COL14A1: variants seen among roughly 807,000 people sequenced by gnomAD.
COL14A1 encodes the protein collagen alpha-1(XIV) chain.
Under a neutral mutation model 230.3 loss-of-function variants are expected in COL14A1, and 136 were observed. That is an observed-to-expected ratio of 0.59 (90% confidence interval 0.51 to 0.68). COL14A1 has a LOEUF of 0.68. Ranked by LOEUF, COL14A1 falls within the 30% of genes least tolerant of loss-of-function variation. The pLI is 0.00. For synonymous variants in COL14A1, 792 were observed against 784.1 expected (o/e 1.01, Z -0.17); for missense variants, 1,976 against 2,215.8 (o/e 0.89, Z 2.17).
intron 5 of COL14A1, among the ~76,000 whole-genome samples, chr8:120,187,811 A>G (rs1485167709): frequency 6.6e-6 from 1 of 152,220 alleles, no homozygotes; most frequent in Admixed American, 6.5e-5. Flanking sequence ...TTTATGTAAC[A>G]AGCTTTTCCC....
At chr8:120,237,604 T>C (rs546923689) in intron 19 of COL14A1, among the ~76,000 whole-genome samples, 1 of 152,362 alleles carries the variant, frequency 6.6e-6, no homozygotes, top group Non-Finnish European at 1.5e-5. Context: ...TTCTGGAGCC[T>C]ACTTCTGTCA....
At chr8:120,368,133 G>T (rs1221374616) in intron 46 of COL14A1, among the ~76,000 whole-genome samples, 1 of 152,104 alleles carries the variant, frequency 6.6e-6, no homozygotes, top group African/African-American at 2.4e-5. Flanking sequence ...CTTACTGAAT[G>T]AGTTCTGTAA....
intron 1 of COL14A1, among the ~76,000 whole-genome samples, chr8:120,130,581 A>G (rs1297094404): frequency 6.6e-6 from 1 of 152,234 alleles, no homozygotes; most frequent in African/African-American, 2.4e-5. Context: ...TAAAAAGCAA[A>G]ATAAAGAAAG....
intron 3 of COL14A1, among the ~76,000 whole-genome samples, chr8:120,161,916 C>T (rs1004408985): frequency 2.5e-4 from 38 of 152,306 alleles, no homozygotes; most frequent in African/African-American, 8.4e-4. Context: ...CTGCCTGCCT[C>T]GGCCTCCTAA....
intron 23 of COL14A1, among the ~76,000 whole-genome samples, chr8:120,258,039 T>C (rs190497173): frequency 6.6e-6 from 1 of 152,322 alleles, no homozygotes; most frequent in Admixed American, 6.5e-5. Flanking sequence ...TTGCAAGGTT[T>C]TTGTGAGTAG....
intron 38 of COL14A1, among the ~76,000 whole-genome samples, chr8:120,314,290 C>A (rs1821138804): frequency 1.3e-5 from 2 of 152,168 alleles, no homozygotes; most frequent in African/African-American, 4.8e-5. Context: ...CAAAGCTTAG[C>A]ATGTATAGCC....
chr8:120,309,985 T>C lies in COL14A1; in HGVS notation c.4402-24T>C, dbSNP rs200661051. 10 of 1,612,102 alleles carry C rather than the reference T, an allele frequency of 6.2e-6. No individual in the cohort carries two copies. The African/African-American group carries it at 1.2e-4, about 19-fold the overall frequency. ...ACTGTTTTGAGATTTGTCTTTGAGC[T>C]AATACTTAACATCTGTTTGCCAGGG... On this transcript the variant is annotated intron_variant, in intron 36 of 47. Transcript: ENST00000297848.
Position 120,341,355 on chromosome 8 carries a change from G to C in COL14A1, c.4816G>C (p.Glu1606Gln), listed in dbSNP as rs1270794708. 1 of 1,614,182 alleles carries C rather than the reference G, an allele frequency of 6.2e-7. No individual in the cohort carries two copies. The highest frequency in any genetic ancestry group is 8.5e-7 in the Non-Finnish European group (1 of 1,180,018). Reference sequence around the variant, plus strand: ...CCCTGGAGCAAAGGGGGAACGAGGAGAGCGGGTAAGTATCCTGTGGCTCTG... The same window carrying C: ...CCCTGGAGCAAAGGGGGAACGAGGACAGCGGGTAAGTATCCTGTGGCTCTG... ...GVPGAKGERG[E>Q]RGDLQSQAMV... Residue 1606 changes from glutamate to glutamine, a missense_variant, in exon 43 of 48, where the codon GAG (glutamate) becomes CAG (glutamine). Physicochemically the swap from Glu to Gln is conservative, Grantham distance 29. Around this residue, in one of 3 missense-constraint regions of COL14A1, gnomAD observed 1,791 missense variants for 2,019.5 expected, o/e 0.89. Coordinates refer to ENST00000297848, the MANE Select transcript of COL14A1 (RefSeq NM_021110.4).
At position 120,225,183 on chromosome 8, in the gene COL14A1, G is replaced by A; in HGVS notation, c.1833G>A (p.Gln611=). Residue 611 remains glutamine (Q), a synonymous_variant, in exon 15 of 48, where the codon CAG becomes CAA. Transcript: ENST00000297848. The part of the protein sequence containing the change: ...IAIFSIYDEG[Q]SEPLTGVFTT... ...TTTTCTCCATCTATGATGAAGGACA[G>A]TCAGAGCCTCTGACTGGAGTTTTTA... The A allele has an allele frequency of 5.0e-6, 8 of 1,612,908 alleles. No homozygotes were observed. Among genetic ancestry groups the A allele is most frequent in the Non-Finnish European group, 6.8e-6 (8 of 1,179,692 alleles).
At chr8:120,362,091 TAGCA>T (rs1483489955) in intron 45 of COL14A1, among the ~76,000 whole-genome samples, 2 of 152,174 alleles carry the variant, frequency 1.3e-5, no homozygotes, top group African/African-American at 4.8e-5. Context: ...GCCATAACTA[TAGCA>T]AGCAAGACAA....
At chr8:120,366,331 G>GTT (rs1823404729) in intron 45 of COL14A1, among the ~76,000 whole-genome samples, 1 of 152,158 alleles carries the variant, frequency 6.6e-6, no homozygotes, top group Non-Finnish European at 1.5e-5. Flanking sequence ...TAATTTCTCA[G>GTT]TAGGTATAAT....
chr8:120,232,282 T>A (rs1049391669), intron 19 of COL14A1, among the ~76,000 whole-genome samples: 7 of 152,204 alleles, frequency 4.6e-5, no homozygotes, highest in South Asian at 2.1e-4. Flanking sequence ...TATCTTTTTT[T>A]AATATACTTA....
At chr8:120,223,945 GCCCAAC>G (rs1394662425) in intron 14 of COL14A1, among the ~76,000 whole-genome samples, 1 of 149,932 alleles carries the variant, frequency 6.7e-6, no homozygotes, top group African/African-American at 2.5e-5. Flanking sequence ...GCAGCCCCGT[GCCCAAC>G]ACCTCAGTGA....
chr8:120,126,448 C>G (rs1814338690), intron 1 of COL14A1, among the ~76,000 whole-genome samples: 1 of 152,152 alleles, frequency 6.6e-6, no homozygotes, highest in African/African-American at 2.4e-5. Context: ...TTCTCAGAGT[C>G]CCATTACTTC....
intron 39 of COL14A1, 41 bp downstream of exon 39, chr8:120,315,627 A>C: frequency 6.5e-7 from 1 of 1,537,364 alleles, no homozygotes; most frequent in South Asian, 1.1e-5. Context: ...CTCAGTCTAC[A>C]ACTTTGCCAA....
intron 2 of COL14A1, 131 bp downstream of exon 2, chr8:120,148,061 A>C (rs1815155055): frequency 1.6e-6 from 1 of 643,056 alleles, no homozygotes; most frequent in Non-Finnish European, 2.7e-6. Flanking sequence ...GCACTGTAGA[A>C]ATATACACAT....
chr8:120,347,204 T>A (rs1822550241), intron 45 of COL14A1, among the ~76,000 whole-genome samples: 1 of 152,190 alleles, frequency 6.6e-6, no homozygotes, highest in African/African-American at 2.4e-5. Context: ...TACACTTGAA[T>A]GATTAGACCA....
At chr8:120,302,492 AG>A in intron 36 of COL14A1, among the ~76,000 whole-genome samples, 1 of 152,306 alleles carries the variant, frequency 6.6e-6, no homozygotes, top group South Asian at 2.1e-4. Context: ...ATTATTGAAT[AG>A]GGAATCCTTT....
At position 120,341,364 on chromosome 8, in the gene COL14A1, A is replaced by C; in HGVS notation, c.4821+4A>C. On this transcript the variant is annotated splice_donor_region_variant and intron_variant, in intron 43 of 47. Transcript: ENST00000297848. The stretch of plus-strand genomic sequence containing the variant: ...AAAGGGGGAACGAGGAGAGCGGGTA[A>C]GTATCCTGTGGCTCTGCTTTCTGGC... The C allele has an allele frequency of 6.2e-7, 1 of 1,614,122 alleles. No homozygotes were observed. The highest frequency in any genetic ancestry group is 1.7e-4 in the Middle Eastern group (1 of 6,060).
Sources: gnomAD v4.1 joint callset for allele counts (sites outside exome capture counted in the v4.1 genomes callset) on GRCh38, gnomAD v4.1.1 for gene constraint, gnomAD v4.1.1 regional missense constraint, MANE v1.5 for transcripts, NCBI Gene and HGNC (gene_info 2026-07-23, HGNC 2026-07-21) for gene names.